Variants in SRGAP2B observed in about 807,000 individuals in gnomAD.
The protein encoded by SRGAP2B is SLIT-ROBO Rho GTPase activating protein 2B.
SRGAP2B carries 9 observed loss-of-function variants against 22.2 expected under a neutral mutation model. That is an observed-to-expected ratio of 0.41 (90% confidence interval 0.24 to 0.71). SRGAP2B has a LOEUF of 0.71. Among genes scored for constraint, SRGAP2B ranks in the 30% least tolerant of loss-of-function variants. The pLI, the probability that SRGAP2B is intolerant of heterozygous loss-of-function variation, is 0.35. For missense variants in SRGAP2B, 114 were observed against 235.8 expected (o/e 0.48, Z 3.38); for synonymous variants, 36 against 87.4 (o/e 0.41, Z 3.28).
intron 3 of SRGAP2B, among the ~76,000 whole-genome samples, chr1:144,986,349 G>T (rs1553615944): frequency 7.4e-6 from 1 of 134,370 alleles, no homozygotes; most frequent in Non-Finnish European, 1.6e-5. Context: ...CCCAACAGCT[G>T]CTACAGCTCC....
chr1:144,909,860 A>G (rs1271901200), intron 5 of SRGAP2B, among the ~76,000 whole-genome samples: 1 of 150,466 alleles, frequency 6.6e-6, no homozygotes, highest in African/African-American at 2.5e-5. Flanking sequence ...TGACCATCCA[A>G]GATAAGAGAC....
chr1:145,015,404 G>A (rs1345046201), intron 2 of SRGAP2B, among the ~76,000 whole-genome samples: 1 of 115,762 alleles, frequency 8.6e-6, no homozygotes, highest in Non-Finnish European at 1.7e-5. Flanking sequence ...TTAAATGTTG[G>A]GAAATACCAG....
intron 4 of SRGAP2B, among the ~76,000 whole-genome samples, chr1:144,954,772 C>T (rs1251547227): frequency 1.3e-5 from 2 of 150,278 alleles, no homozygotes; most frequent in Non-Finnish European, 2.9e-5. Flanking sequence ...TCAAATTGTT[C>T]AACCTATACC....
At chr1:144,993,115 T>A (rs1316301316) in intron 3 of SRGAP2B, among the ~76,000 whole-genome samples, 10 of 151,078 alleles carry the variant, frequency 6.6e-5, no homozygotes. Context: ...AGTAACAGGA[T>A]GCCAGTGACT....
At chr1:145,070,149 A>G (rs1553633185) in intron 2 of SRGAP2B, among the ~76,000 whole-genome samples, 1 of 146,866 alleles carries the variant, frequency 6.8e-6, no homozygotes, top group African/African-American at 2.6e-5. Context: ...ACCCTAATTT[A>G]TCCAACTCGG....
intron 3 of SRGAP2B, among the ~76,000 whole-genome samples, chr1:144,993,135 G>C (rs1670386774): frequency 6.6e-6 from 1 of 151,098 alleles, no homozygotes; most frequent in Admixed American, 6.6e-5. Flanking sequence ...TCACTGGAGT[G>C]AATGTTCTGT....
intron 3 of SRGAP2B, among the ~76,000 whole-genome samples, chr1:144,986,364 G>C (rs1403361028): frequency 7.2e-6 from 1 of 138,914 alleles, no homozygotes; most frequent in African/African-American, 2.9e-5. Context: ...AGCTCCGGGG[G>C]AGGTGATGAG....
At chr1:145,044,257 G>C (rs1341798026) in intron 2 of SRGAP2B, among the ~76,000 whole-genome samples, 11 of 131,278 alleles carry the variant, frequency 8.4e-5, no homozygotes, top group Non-Finnish European at 1.3e-4. Flanking sequence ...AGTCCAACAG[G>C]ATCACGTCAA....
chr1:145,066,720 C>T (rs1651536501), intron 2 of SRGAP2B, among the ~76,000 whole-genome samples: 2 of 151,768 alleles, frequency 1.3e-5, no homozygotes, highest in South Asian at 4.1e-4. Context: ...ACGCAGCCGC[C>T]TGACCAGAAT....
chr1:144,931,231 C>T (rs1371827152), intron 4 of SRGAP2B, among the ~76,000 whole-genome samples: 5 of 150,274 alleles, frequency 3.3e-5, no homozygotes, highest in African/African-American at 1.3e-4. Flanking sequence ...TCTCTCTGCA[C>T]AAAAAGCACT....
intron 4 of SRGAP2B, among the ~76,000 whole-genome samples, chr1:144,920,070 A>C (rs1664113583): frequency 6.6e-6 from 1 of 150,638 alleles, no homozygotes; most frequent in South Asian, 2.1e-4. Context: ...TGATTGGTGC[A>C]TTTACAATCC....
In SRGAP2B at chr1:144,930,604, G is replaced by A. The variant is rs587687810; in HGVS notation, c.424-15850C>T. On this transcript the variant is annotated intron_variant, in intron 4 of 9. Coordinates refer to ENST00000612199, the Ensembl canonical transcript of SRGAP2B. ...TGAGAAAGATTTGGGCATCTAGTTC[G>A]TGAGACATGTGAAAATGTCAGCTTC... Among the ~76,000 whole-genome samples the A allele has an allele frequency of 9.9e-4, 149 of 150,802 alleles. 3 individuals carry two copies. Among genetic ancestry groups the A allele is most frequent in the Admixed American group, 3.0e-3 (46 of 15,194 alleles).
chr1:144,994,949 C>A, intron 3 of SRGAP2B, 59 bp downstream of exon 3: 2 of 911,792 alleles, frequency 2.2e-6, no homozygotes, highest in South Asian at 1.9e-5. Context: ...ACCCTGCCCC[C>A]CTCCACCCTG....
chr1:144,925,257 G>A lies in SRGAP2B; in HGVS notation c.424-10503C>T, dbSNP rs1258171333. Among the ~76,000 whole-genome samples, 21 of 149,294 alleles carry A rather than the reference G, an allele frequency of 1.4e-4. 2 individuals are homozygous for A. Among genetic ancestry groups the A allele is most frequent in the East Asian group, 2.0e-4 (1 of 5,120 alleles). On this transcript the variant is annotated intron_variant, in intron 4 of 9. Transcript: ENST00000612199. ...TGACCTCAAGTGATCTGCCTGCCTC[G>A]GCCTCCGAAAGTGCTGTGATTACAG...
chr1:145,016,776 A>C (rs1432635965), intron 2 of SRGAP2B, among the ~76,000 whole-genome samples: 14 of 147,392 alleles, frequency 9.5e-5, no homozygotes, highest in Admixed American at 5.4e-4. Context: ...AGTTATTAGT[A>C]ATTTTAAAAA....
intron 2 of SRGAP2B, among the ~76,000 whole-genome samples, chr1:145,036,285 C>T (rs1221223859): frequency 1.4e-5 from 2 of 141,552 alleles, no homozygotes; most frequent in African/African-American, 5.6e-5. Flanking sequence ...TCCCAAGTTG[C>T]CATGGCAACT....
chr1:145,062,943 T>C (rs1216594444), intron 2 of SRGAP2B, among the ~76,000 whole-genome samples: 2 of 148,178 alleles, frequency 1.3e-5, no homozygotes, highest in African/African-American at 5.1e-5. Flanking sequence ...GGTAATTCTA[T>C]AAGCACCATT....
Position 144,939,720 on chromosome 1 carries a change from A to C in SRGAP2B, c.423+15719T>G, listed in dbSNP as rs587716194. 3.3e-5 allele frequency among the ~76,000 whole-genome samples: 5 copies of C among 149,528 alleles called. No homozygotes were observed. The South Asian group carries it at 1.1e-3, about 31-fold the overall frequency. On this transcript the variant is annotated intron_variant, in intron 4 of 9. Transcript: ENST00000612199. ...TTTTTCCTTCAGTCCCTGAAAGCTC[A>C]GGTAGACTATGTGGTTTTCCTTGCC...
chr1:145,022,398 G>A (rs1207525333), intron 2 of SRGAP2B, among the ~76,000 whole-genome samples: 36 of 121,326 alleles, frequency 3.0e-4, no homozygotes, highest in African/African-American at 1.1e-3. Flanking sequence ...GAAGGCAGAG[G>A]GTTAAATTTC....
Sources: allele counts gnomAD v4.1 joint callset (sites outside exome capture counted in the v4.1 genomes callset), GRCh38; gene constraint gnomAD v4.1.1; transcripts MANE v1.5; gene names NCBI Gene and HGNC (gene_info 2026-07-23, HGNC 2026-07-21).